Variants in ASXL3 observed in about 807,000 individuals in gnomAD.
ASXL3 encodes ASXL transcriptional regulator 3.
A neutral mutation model predicts 170.6 loss-of-function variants in ASXL3; 34 were observed. The ratio of observed to expected loss-of-function variants is 0.20; its 90% CI spans 0.15 to 0.27. ASXL3 has a LOEUF of 0.27. Among genes scored for constraint, ASXL3 ranks in the 10% least tolerant of loss-of-function variants. ASXL3 has a pLI of 1.00. For missense variants in ASXL3, 2,592 were observed against 2,695.3 expected (o/e 0.96, Z 0.85); for synonymous variants, 1,002 against 989.1 (o/e 1.01, Z -0.24).
chr18:33,661,570 A>G, intron 4 of ASXL3, 46 bp from the exon 5 acceptor site: 2 of 1,551,780 alleles, frequency 1.3e-6, no homozygotes, highest in South Asian at 1.2e-5. Flanking sequence ...GTGGATATAA[A>G]AAAGGAATTC....
In ASXL3 at chr18:33,743,617, T is replaced by G. The variant is rs569503799; in HGVS notation, c.3769T>G (p.Ser1257Ala). The stretch of plus-strand genomic sequence containing the variant: ...AATTAAAGAACATCCCTTTGTGAGT[T>G]CTGTTGATAAATCCTCTGTCCTAAT... The part of the protein sequence containing the change: ...GAIKEHPFVS[S>A]VDKSSVLMSV... Residue 1257 changes from serine to alanine, a missense_variant, in exon 12 of 12, where the codon TCT (serine) becomes GCT (alanine). By Grantham distance (99) the Ser-to-Ala change is moderately conservative. Coordinates refer to ENST00000269197, the MANE Select transcript of ASXL3 (RefSeq NM_030632.3). 1.2e-5 allele frequency: 19 copies of G among 1,613,542 alleles called. No homozygotes were observed. In the African/African-American group the frequency reaches 2.3e-4, roughly 19 times the overall value.
At chr18:33,686,503 G>A (rs1213483317) in intron 8 of ASXL3, among the ~76,000 whole-genome samples, 3 of 152,178 alleles carry the variant, frequency 2.0e-5, no homozygotes, top group African/African-American at 7.2e-5. Flanking sequence ...TAGTAGAGAG[G>A]ATGCTTAAGT....
chr18:33,640,358 A>G (rs183255181), intron 2 of ASXL3, among the ~76,000 whole-genome samples: 5 of 152,140 alleles, frequency 3.3e-5, no homozygotes, highest in South Asian at 2.1e-4. Context: ...CTTATTGACA[A>G]TAATATCTCC....
At chr18:33,643,547 C>T (rs2065876342) in intron 2 of ASXL3, among the ~76,000 whole-genome samples, 1 of 151,870 alleles carries the variant, frequency 6.6e-6, no homozygotes, top group Admixed American at 6.6e-5. Flanking sequence ...AGAGAAGCTG[C>T]TTCCTAAAAT....
intron 8 of ASXL3, among the ~76,000 whole-genome samples, chr18:33,706,965 C>A (rs2066970742): frequency 6.6e-6 from 1 of 151,812 alleles, no homozygotes; most frequent in Admixed American, 6.6e-5. Context: ...GTTTTAGATG[C>A]ATATCCAGTT....
intron 2 of ASXL3, among the ~76,000 whole-genome samples, chr18:33,620,643 C>G (rs978835936): frequency 3.9e-5 from 6 of 152,230 alleles, no homozygotes; most frequent in Admixed American, 3.3e-4. Flanking sequence ...CCAATTATAA[C>G]TTAATTCCCA....
At position 33,738,765 on chromosome 18, in the gene ASXL3, T is replaced by G. The variant is rs1021666708; in HGVS notation, c.1361T>G (p.Ile454Ser). 6.2e-7 allele frequency: 1 copy of G among 1,613,864 alleles called. No homozygotes were observed. The highest frequency in any genetic ancestry group is 8.5e-7 in the Non-Finnish European group (1 of 1,179,830). Residue 454 changes from isoleucine to serine, a missense_variant, in exon 11 of 12, where the codon ATT (isoleucine) becomes AGT (serine). Coordinates refer to ENST00000269197, the MANE Select transcript of ASXL3 (RefSeq NM_030632.3). Reference protein sequence around the residue: ...IPEESVIQEEIAEEVETSICE... With the variant: ...IPEESVIQEESAEEVETSICE... ...GAAGAATCTGTAATTCAGGAGGAAA[T>G]TGCAGAAGAGGTAGAGACTAGTATC...
chr18:33,626,744 C>A (rs532436022), intron 2 of ASXL3: 2 of 152,164 alleles, frequency 1.3e-5, no homozygotes, highest in Admixed American at 6.5e-5. Flanking sequence ...TTCATATTTT[C>A]ATCTTGAGAA....
At chr18:33,581,462 T>G (rs10164193) in intron 1 of ASXL3, among the ~76,000 whole-genome samples, 18,641 of 151,026 alleles carry the variant, frequency 0.12, 1,629 homozygotes, top group African/African-American at 0.25. Context: ...ATATCTTTCT[T>G]GCTGGAGTGA....
At chr18:33,624,810 T>G (rs2065574959) in intron 2 of ASXL3, among the ~76,000 whole-genome samples, 1 of 152,158 alleles carries the variant, frequency 6.6e-6, no homozygotes, top group South Asian at 2.1e-4. Flanking sequence ...CTTTGGAAAA[T>G]CTGTGTCATT....
intron 7 of ASXL3, among the ~76,000 whole-genome samples, chr18:33,681,831 G>T (rs1156832791): frequency 1.3e-5 from 2 of 151,520 alleles, no homozygotes; most frequent in African/African-American, 4.9e-5. Flanking sequence ...CTTTGTATTT[G>T]TTCCCTATCA....
chr18:33,740,025 A>G lies in ASXL3; in HGVS notation c.2621A>G (p.Lys874Arg). 1 of 1,613,932 alleles carries G rather than the reference A, an allele frequency of 6.2e-7. No individual in the cohort carries two copies. The highest frequency in any genetic ancestry group is 8.5e-7 in the Non-Finnish European group (1 of 1,179,870). ...KNHSVLQRTE[K>R]KVLPSPLELS... ...CATAGCGTCCTGCAAAGAACAGAAA[A>G]AAAAGTGTTACCTTCACCATTGGAA... Residue 874 changes from lysine to arginine, a missense_variant, in exon 11 of 12, where the codon AAA becomes AGA. Transcript: ENST00000269197.
At chr18:33,673,590 T>C (rs531596881) in intron 7 of ASXL3, among the ~76,000 whole-genome samples, 1 of 152,266 alleles carries the variant, frequency 6.6e-6, no homozygotes, top group Non-Finnish European at 1.5e-5. Flanking sequence ...GGTCTCAAAC[T>C]CCTGACCTCA....
chr18:33,624,609 T>G (rs1599410648), intron 2 of ASXL3, among the ~76,000 whole-genome samples: 2 of 152,154 alleles, frequency 1.3e-5, no homozygotes, highest in Non-Finnish European at 2.9e-5. Context: ...TTCTGCCCAT[T>G]ATCTGATGGG....
intron 5 of ASXL3, among the ~76,000 whole-genome samples, chr18:33,668,596 T>G (rs900454870): frequency 3.3e-5 from 5 of 152,064 alleles, no homozygotes; most frequent in African/African-American, 1.2e-4. Context: ...ACAAACAGGC[T>G]CAATATTGGT....
chr18:33,685,460 A>G (rs2145290195), intron 8 of ASXL3, among the ~76,000 whole-genome samples: 1 of 152,310 alleles, frequency 6.6e-6, no homozygotes, highest in Non-Finnish European at 1.5e-5. Context: ...TAGGGGAAAG[A>G]TCTGATTTAT....
chr18:33,674,069 G>A (rs768053070), intron 7 of ASXL3, among the ~76,000 whole-genome samples: 3 of 152,118 alleles, frequency 2.0e-5, no homozygotes, highest in African/African-American at 7.2e-5. Context: ...GTAGAATGAC[G>A]TCTGTTTTAC....
rs1205536550 is a variant in ASXL3, at chr18:33,748,952, T to C, written c.*2357T>C. 2.0e-5 allele frequency: 3 copies of C among 152,178 alleles called. No homozygotes were observed. The highest frequency in any genetic ancestry group is 1.3e-4 in the Admixed American group (2 of 15,270). The allele number at this position is 152,178 out of a possible 1,614,324, so 9.4% of individuals were successfully genotyped here. ...TTGAATACTGCCTGCAAGTTGCTTATTGGGAATAAGAAAAAGTGTCCTTCT... is the reference window on the plus strand; with the variant it reads ...TTGAATACTGCCTGCAAGTTGCTTACTGGGAATAAGAAAAAGTGTCCTTCT... On this transcript the variant is annotated 3_prime_UTR_variant, in exon 12 of 12. Transcript: ENST00000269197.
intron 10 of ASXL3, among the ~76,000 whole-genome samples, chr18:33,736,742 A>G (rs2067554853): frequency 6.6e-6 from 1 of 152,170 alleles, no homozygotes; most frequent in African/African-American, 2.4e-5. Flanking sequence ...TGGCTTGTGA[A>G]CTTGTGTCTA....
Sources: gnomAD v4.1 joint callset for allele counts (sites outside exome capture counted in the v4.1 genomes callset) on GRCh38, gnomAD v4.1.1 for gene constraint, MANE v1.5 for transcripts, NCBI Gene and HGNC (gene_info 2026-07-23, HGNC 2026-07-21) for gene names.